Variants in BEND7 observed in about 807,000 individuals in gnomAD.
BEND7 encodes BEN domain-containing protein 7.
BEND7 carries 28 observed loss-of-function variants against 50.9 expected under a neutral mutation model. The ratio of observed to expected loss-of-function variants is 0.55; its 90% CI spans 0.41 to 0.75. The LOEUF is 0.75. Ranked by LOEUF, BEND7 falls within the 30% of genes least tolerant of loss-of-function variation. The pLI, the probability that BEND7 is intolerant of heterozygous loss-of-function variation, is 0.00. For missense variants in BEND7, 477 were observed against 491.3 expected (o/e 0.97, Z 0.28); for synonymous variants, 170 against 183.9 (o/e 0.92, Z 0.61).
At chr10:13,528,199 GA>G (rs1236985054) in intron 1 of BEND7, among the ~76,000 whole-genome samples, 2 of 151,870 alleles carry the variant, frequency 1.3e-5, no homozygotes, top group Non-Finnish European at 2.9e-5. Flanking sequence ...GAGGCGCCCC[GA>G]GGAGGGCTCG....
At chr10:13,455,859 C>G (rs1176665158) in intron 6 of BEND7, among the ~76,000 whole-genome samples, 1 of 151,944 alleles carries the variant, frequency 6.6e-6, no homozygotes, top group African/African-American at 2.4e-5. Context: ...GTGGAATCAT[C>G]TCTGAGAAGA....
chr10:13,474,690 G>A (rs978497687), intron 6 of BEND7, among the ~76,000 whole-genome samples: 6 of 152,056 alleles, frequency 3.9e-5, no homozygotes, highest in Non-Finnish European at 8.8e-5. Flanking sequence ...CGTCATCAGT[G>A]TTGGGCTCAG....
chr10:13,492,850 G>C lies in BEND7; in HGVS notation c.598C>G (p.Pro200Ala). 6.2e-7 allele frequency: 1 copy of C among 1,604,128 alleles called. No individual in the cohort carries two copies. The highest frequency in any genetic ancestry group is 8.5e-7 in the Non-Finnish European group (1 of 1,177,928). The change falls in exon 5 of 9, where the codon CCA becomes GCA. Residue 200 changes from proline (P) to alanine (A), a missense_variant. By Grantham distance (27) the Pro-to-Ala change is conservative. Coordinates refer to ENST00000466271, the MANE Select transcript of BEND7 (RefSeq NM_001369863.1). Reference sequence around the variant, plus strand: ...CGCTGGGAGCATATAAGGGAAATTGGAGGTTGTTGTCTGTTTTGAGTTCCA... The same window carrying C: ...CGCTGGGAGCATATAAGGGAAATTGCAGGTTGTTGTCTGTTTTGAGTTCCA... ...AVGTQNRQQP[P>A]ISLICSQRTA...
chr10:13,528,307 CGCCCGGCGTGTGCGGCCGCG>C (rs973286379), intron 1 of BEND7, among the ~76,000 whole-genome samples, 146 bp downstream of exon 1: 7 of 151,806 alleles, frequency 4.6e-5, no homozygotes, highest in Admixed American at 2.6e-4. Flanking sequence ...CTTTCCCCGC[CGCCCGGCGTGTGCGGCCGCG>C]GCCCTGCCTG....
intron 5 of BEND7, 59 bp from the exon 6 acceptor site, chr10:13,481,183 T>C (rs1196664133): frequency 6.6e-7 from 1 of 1,525,562 alleles, no homozygotes; most frequent in East Asian, 2.3e-5. Flanking sequence ...TGACTTTGGG[T>C]ACATGAGCAA....
At chr10:13,522,950 G>C (rs1311410172) in intron 2 of BEND7, among the ~76,000 whole-genome samples, 1 of 152,162 alleles carries the variant, frequency 6.6e-6, no homozygotes, top group Non-Finnish European at 1.5e-5. Flanking sequence ...AGTGCTCAGT[G>C]TGCTGCCTTG....
chr10:13,481,200 A>C (rs2075830292), intron 5 of BEND7, 76 bp from the exon 6 acceptor site: 1 of 1,344,738 alleles, frequency 7.4e-7, no homozygotes, highest in Non-Finnish European at 1.0e-6. Flanking sequence ...GCAACAAAAA[A>C]ACATCACTAG....
At chr10:13,496,983 CA>C in intron 3 of BEND7, 95 bp from the exon 4 acceptor site, 3 of 1,405,322 alleles carry the variant, frequency 2.1e-6, no homozygotes, top group Non-Finnish European at 2.8e-6. Flanking sequence ...AGTATCTTGG[CA>C]GGATTTTGAA....
Position 13,500,070 on chromosome 10 carries a change from G to A in BEND7, c.156C>T (p.Ser52=). The stretch of plus-strand genomic sequence containing the variant: ...CTGTAATTTGCTTTTTTATTTCCAT[G>A]CTTTCATCTCCTAATGGAAACAGGG... ...ETQPIFLGDE[S]MEIKKQITGM... is the part of the protein sequence containing the mutation. The change falls in exon 3 of 9, where the codon AGC becomes AGT. Residue 52 remains serine (S), a synonymous_variant. Transcript: ENST00000466271. 6.3e-7 allele frequency: 1 copy of A among 1,591,870 alleles called. No individual in the cohort carries two copies. Among genetic ancestry groups the A allele is most frequent in the South Asian group, 1.1e-5 (1 of 89,630 alleles).
downstream of BEND7, chr10:13,439,530 T>C (rs12573063): frequency 0.089 from 137,870 of 1,555,644 alleles, 6,419 homozygotes; most frequent in Admixed American, 0.13. Flanking sequence ...AATGAATGAA[T>C]GAATGGAGTA....
At chr10:13,451,780 C>T (rs576017317) in intron 7 of BEND7, among the ~76,000 whole-genome samples, 20 of 113,456 alleles carry the variant, frequency 1.8e-4, no homozygotes, top group African/African-American at 6.5e-4. Context: ...CCACAACAGG[C>T]CCCGGTGTGT....
chr10:13,521,465 A>G (rs1193291478), intron 2 of BEND7, among the ~76,000 whole-genome samples: 1 of 152,224 alleles, frequency 6.6e-6, no homozygotes, highest in Non-Finnish European at 1.5e-5. Flanking sequence ...TAACCCCAAG[A>G]GACACTCCTG....
At chr10:13,487,872 C>T (rs1178349697) in intron 5 of BEND7, among the ~76,000 whole-genome samples, 1 of 151,852 alleles carries the variant, frequency 6.6e-6, no homozygotes, top group Non-Finnish European at 1.5e-5. Flanking sequence ...GCGGATGGAT[C>T]ACTTGAGGCC....
At position 13,448,085 on chromosome 10, in the gene BEND7, T is replaced by C. The variant is rs142092415; in HGVS notation, c.1184-769A>G. The stretch of plus-strand genomic sequence containing the variant: ...CATTAACGTGGTCATGAAGAAGGAA[T>C]AGGCGTTGCTTCAAAAGATTCTCCA... On this transcript the variant is annotated intron_variant, in intron 7 of 8. Coordinates refer to ENST00000466271, the MANE Select transcript of BEND7 (RefSeq NM_001369863.1). 6.6e-3 allele frequency among the ~76,000 whole-genome samples: 1,010 copies of C among 152,330 alleles called. 27 individuals carry two copies. Among genetic ancestry groups the C allele is most frequent in the Admixed American group, 0.048 (736 of 15,306 alleles).
upstream of BEND7, among the ~76,000 whole-genome samples, chr10:13,529,133 C>T (rs1181086915): frequency 2.8e-5 from 4 of 143,962 alleles, no homozygotes; most frequent in African/African-American, 9.9e-5. Flanking sequence ...CCGCCATCCC[C>T]GGGGGCCGCC....
In BEND7 at chr10:13,476,741, C is replaced by T. The variant is rs77418249; in HGVS notation, c.1063+4158G>A. Reference sequence around the variant, plus strand: ...GAAAACATACCTGGGTACTAACCTCCACTCTGGTTATAACATCAATTCTGA... The same window carrying T: ...GAAAACATACCTGGGTACTAACCTCTACTCTGGTTATAACATCAATTCTGA... On this transcript the variant is annotated intron_variant, in intron 6 of 8. Transcript: ENST00000466271. 5.4e-3 allele frequency among the ~76,000 whole-genome samples: 815 copies of T among 152,316 alleles called. 6 individuals carry two copies. Among genetic ancestry groups the T allele is most frequent in the African/African-American group, 0.019 (773 of 41,560 alleles).
At chr10:13,485,564 G>A (rs919629597) in intron 5 of BEND7, among the ~76,000 whole-genome samples, 16 of 152,174 alleles carry the variant, frequency 1.1e-4, no homozygotes, top group Admixed American at 1.0e-3. Flanking sequence ...AAGACTAACT[G>A]ATTTGGGGCT....
intron 7 of BEND7, among the ~76,000 whole-genome samples, chr10:13,450,449 T>G (rs1347761278): frequency 2.0e-5 from 3 of 152,294 alleles, no homozygotes; most frequent in Admixed American, 2.0e-4. Context: ...TAGTTTCAAT[T>G]TGCTGGGGCC....
intron 6 of BEND7, among the ~76,000 whole-genome samples, chr10:13,474,165 T>A (rs1347234655): frequency 6.6e-6 from 1 of 151,772 alleles, no homozygotes; most frequent in Non-Finnish European, 1.5e-5. Flanking sequence ...ACATCTGTCA[T>A]CGCTGTTAGA....
Sources: gnomAD v4.1 joint callset for allele counts (sites outside exome capture counted in the v4.1 genomes callset) on GRCh38, gnomAD v4.1.1 for gene constraint, MANE v1.5 for transcripts, NCBI Gene and HGNC (gene_info 2026-07-23, HGNC 2026-07-21) for gene names.